Variants in ABLIM2 observed in about 807,000 individuals in gnomAD.
The protein encoded by ABLIM2 is actin-binding LIM protein 2.
Under a neutral mutation model 97.7 loss-of-function variants are expected in ABLIM2, and 53 were observed. The observed-to-expected ratio is 0.54, with a 90% CI of 0.44 to 0.68. The LOEUF (loss-of-function observed/expected upper bound fraction) is 0.68, where lower values mean the gene tolerates loss of function less well. ABLIM2 is among the 30% of genes least tolerant of loss of function. The probability of loss-of-function intolerance (pLI) is 0.00; values close to 1 mark genes in which losing one functional copy is unlikely to be tolerated. For missense variants in ABLIM2, 835 were observed against 867.2 expected (o/e 0.96, Z 0.47); for synonymous variants, 361 against 345.8 (o/e 1.04, Z -0.49).
At chr4:8,153,644 G>A (rs1209767092) in intron 1 of ABLIM2, among the ~76,000 whole-genome samples, 1 of 152,244 alleles carries the variant, frequency 6.6e-6, no homozygotes, top group African/African-American at 2.4e-5. Flanking sequence ...CCACGCAGCA[G>A]ATAGTGGCCC....
At chr4:7,979,531 AG>A (rs879816367) in intron 20 of ABLIM2, among the ~76,000 whole-genome samples, 1 of 152,270 alleles carries the variant, frequency 6.6e-6, no homozygotes, top group Non-Finnish European at 1.5e-5. Context: ...GTCATGTGAC[AG>A]GCAGCTGTAA....
chr4:8,049,233 C>G (rs1366820331), intron 8 of ABLIM2, among the ~76,000 whole-genome samples: 2 of 152,252 alleles, frequency 1.3e-5, no homozygotes, highest in Non-Finnish European at 2.9e-5. Context: ...TCCCAGAGCA[C>G]ACACAGTAGG....
chr4:8,110,191 C>G (rs148428858), intron 1 of ABLIM2, among the ~76,000 whole-genome samples: 1 of 152,166 alleles, frequency 6.6e-6, no homozygotes, highest in Admixed American at 6.5e-5. Flanking sequence ...GGGTGGGGGC[C>G]GTGCATCTTC....
In ABLIM2 at chr4:8,002,027, A is replaced by C. The variant is rs978154573; in HGVS notation, c.1618+6032T>G. Reference sequence around the variant, plus strand: ...GAGTAGGCTGGGGGCCAGGCAGGAGATCACACCTGATTTGAGTCTCAGACC... The same window carrying C: ...GAGTAGGCTGGGGGCCAGGCAGGAGCTCACACCTGATTTGAGTCTCAGACC... On this transcript the variant is annotated intron_variant, in intron 16 of 20. Coordinates refer to ENST00000447017, the MANE Select transcript of ABLIM2 (RefSeq NM_001130083.2). The surrounding 1 kb of genome is among the most constrained non-coding windows in gnomAD (Gnocchi z 6.1). Among the ~76,000 whole-genome samples, 2 of 152,086 alleles carry C rather than the reference A, an allele frequency of 1.3e-5. No individual in the cohort carries two copies. The highest frequency in any genetic ancestry group is 4.8e-5 in the African/African-American group (2 of 41,424).
At position 7,966,522 on chromosome 4, in the gene ABLIM2, G is replaced by A. The variant is rs574745995; in HGVS notation, c.*468C>T. 95 of 162,598 alleles carry A rather than the reference G, an allele frequency of 5.8e-4. No individual in the cohort carries two copies. In the South Asian group the frequency reaches 0.016, roughly 28 times the overall value. 10.1% of individuals were successfully genotyped at this position (162,598 alleles called of 1,614,324 possible). On this transcript the variant is annotated 3_prime_UTR_variant, in exon 21 of 21. Coordinates refer to ENST00000447017, the MANE Select transcript of ABLIM2 (RefSeq NM_001130083.2). ...CAGACGCTCACTGCCCCGTCTGCGA[G>A]TCTGCCTGTGAGGCCAGGCTGCCCA...
intron 6 of ABLIM2, among the ~76,000 whole-genome samples, chr4:8,064,591 C>T (rs1483507624): frequency 6.6e-6 from 1 of 152,236 alleles, no homozygotes; most frequent in East Asian, 1.9e-4. Context: ...TATTCTGTTA[C>T]ATGTCACAGG....
At chr4:8,074,181 C>T (rs944281073) in intron 6 of ABLIM2, among the ~76,000 whole-genome samples, 10 of 147,464 alleles carry the variant, frequency 6.8e-5, no homozygotes, top group South Asian at 2.2e-4. Context: ...CTGCAGGGTG[C>T]GGTGGCTCAC....
At position 8,061,010 on chromosome 4, in the gene ABLIM2, C is replaced by T. The variant is rs772774797; in HGVS notation, c.720G>A (p.Arg240=). The change falls in exon 7 of 21, where the codon AGG becomes AGA. Residue 240 remains arginine (R), a synonymous_variant. Transcript: ENST00000447017. This position sits in a 1 kb window ranked among gnomAD's most constrained non-coding sequence, Gnocchi z 4.5. The part of the protein sequence containing the change: ...HYHPSCALCV[R]CGQMFAEGEE... ...CGCCTTCTGCAAACATCTGGCCGCA[C>T]CTGACACATAGCGCGCAGGAAGGGT... The T allele has an allele frequency of 3.1e-6, 5 of 1,600,066 alleles. No homozygotes were observed. The South Asian group carries it at 5.7e-5, about 18-fold the overall frequency.
chr4:8,090,782 G>C (rs146799802), intron 3 of ABLIM2, among the ~76,000 whole-genome samples: 22 of 114,776 alleles, frequency 1.9e-4, no homozygotes, highest in African/African-American at 6.2e-4. Context: ...GCGTTTTTCA[G>C]GTCCACTCAT....
At position 8,003,464 on chromosome 4, in the gene ABLIM2, C is replaced by G. The variant is rs1013735175; in HGVS notation, c.1618+4595G>C. On this transcript the variant is annotated intron_variant, in intron 16 of 20. Transcript: ENST00000447017. The surrounding 1 kb of genome is among the most constrained non-coding windows in gnomAD (Gnocchi z 4.2). ...CATCGCTTTCACGCCAGCGGAAAGT[C>G]ACACGGTCCCATGTCAGAAGTTGGG... 6.6e-6 allele frequency among the ~76,000 whole-genome samples: 1 copy of G among 152,120 alleles called. No homozygotes were observed. Among genetic ancestry groups the G allele is most frequent in the Non-Finnish European group, 1.5e-5 (1 of 68,034 alleles).
rs1722658800 is a variant in ABLIM2 at position 7,965,617 on chromosome 4, T to C, written c.*1373A>G. The C allele has an allele frequency of 6.6e-6, 1 of 152,210 alleles. No individual in the cohort carries two copies. The highest frequency in any genetic ancestry group is 1.5e-5 in the Non-Finnish European group (1 of 68,052). The allele number at this position is 152,210 out of a possible 1,614,324, so 9.4% of individuals were successfully genotyped here. On this transcript the variant is annotated 3_prime_UTR_variant, in exon 21 of 21. Transcript: ENST00000447017. ...CCCACTGCGGACGGGGAAACAGACT[T>C]TGGTGTTTCATCCACCTCTCAGCGC...
rs1258821731 is a variant in ABLIM2 at position 8,125,525 on chromosome 4, G to A, written c.11-18888C>T. On this transcript the variant is annotated intron_variant, in intron 1 of 20. Coordinates refer to ENST00000447017, the MANE Select transcript of ABLIM2 (RefSeq NM_001130083.2). This position sits in a 1 kb window ranked among gnomAD's most constrained non-coding sequence, Gnocchi z 6.2. Reference sequence around the variant, plus strand: ...CTTCTGGGATGGCTCTGCCATCAGCGTTGACGGTCTGGTCCATCTACCACA... The same window carrying A: ...CTTCTGGGATGGCTCTGCCATCAGCATTGACGGTCTGGTCCATCTACCACA... 2.0e-5 allele frequency among the ~76,000 whole-genome samples: 3 copies of A among 152,074 alleles called. No homozygotes were observed. Among genetic ancestry groups the A allele is most frequent in the Non-Finnish European group, 2.9e-5 (2 of 68,010 alleles).
intron 1 of ABLIM2, among the ~76,000 whole-genome samples, chr4:8,126,963 G>A (rs549881994): frequency 2.1e-4 from 32 of 151,972 alleles, no homozygotes; most frequent in Non-Finnish European, 4.3e-4. Context: ...CTACCCGGGA[G>A]GCTGAGCTGT....
rs1201935922 is a variant in ABLIM2 at position 8,015,797 on chromosome 4, C to T, written c.1423+3821G>A. On this transcript the variant is annotated intron_variant, in intron 14 of 20. Transcript: ENST00000447017. This position sits in a 1 kb window ranked among gnomAD's most constrained non-coding sequence, Gnocchi z 4.6. ...TGGTGAACTATGAGGACTGTCCCTG[C>T]ATCTGGAGAGTCGAACTTACTGGGA... is the stretch of plus-strand genomic sequence containing the variant. 6.6e-6 allele frequency among the ~76,000 whole-genome samples: 1 copy of T among 152,164 alleles called. No homozygotes were observed. Among genetic ancestry groups the T allele is most frequent in the Non-Finnish European group, 1.5e-5 (1 of 68,030 alleles).
Position 8,157,640 on chromosome 4 carries a change from C to T in ABLIM2, c.10+1040G>A, listed in dbSNP as rs187427121. Among the ~76,000 whole-genome samples the T allele has an allele frequency of 6.6e-3, 1,002 of 152,376 alleles. 9 individuals carry two copies. Among genetic ancestry groups the T allele is most frequent in the African/African-American group, 0.023 (939 of 41,590 alleles). ...GAAGCTCTTACTAAATTCACATTCTCTCCCCAGTCCGATCTCCCTCAGGGG... is the reference window on the plus strand; with the variant it reads ...GAAGCTCTTACTAAATTCACATTCTTTCCCCAGTCCGATCTCCCTCAGGGG... On this transcript the variant is annotated intron_variant, in intron 1 of 20. Coordinates refer to ENST00000447017, the MANE Select transcript of ABLIM2 (RefSeq NM_001130083.2).
chr4:8,027,108 C>T (rs959210255), intron 12 of ABLIM2, among the ~76,000 whole-genome samples: 2 of 152,198 alleles, frequency 1.3e-5, no homozygotes, highest in African/African-American at 2.4e-5. Context: ...TCTAACTGAT[C>T]ACCTCTTTAA....
At chr4:8,101,245 C>T (rs551537381) in intron 2 of ABLIM2, among the ~76,000 whole-genome samples, 2 of 152,356 alleles carry the variant, frequency 1.3e-5, no homozygotes, top group South Asian at 4.1e-4. Context: ...GGCTCAGGAT[C>T]CCCTTCTGTG....
At chr4:8,051,418 G>A (rs941997873) in intron 8 of ABLIM2, among the ~76,000 whole-genome samples, 5 of 151,580 alleles carry the variant, frequency 3.3e-5, no homozygotes, top group Non-Finnish European at 1.5e-5. Context: ...TTAGCTGGAC[G>A]TGGTGGTGCG....
chr4:7,967,149 C>T, intron 20 of ABLIM2, 46 bp from the exon 21 acceptor site: 1 of 1,509,320 alleles, frequency 6.6e-7, no homozygotes, highest in Non-Finnish European at 9.2e-7. Context: ...AGCCACGCAG[C>T]AAGGGACACC....
Sources: allele counts gnomAD v4.1 joint callset (sites outside exome capture counted in the v4.1 genomes callset), GRCh38; gene constraint gnomAD v4.1.1; non-coding constraint Gnocchi (gnomAD v3.1); transcripts MANE v1.5; gene names NCBI Gene and HGNC (gene_info 2026-07-23, HGNC 2026-07-21).